The following NRG1 variants were observed in gnomAD, a reference collection of about 807,000 sequenced individuals.
NRG1 encodes neuregulin 1.
In NRG1, 18 loss-of-function variants were observed where a neutral mutation model predicts 63.8. The ratio of observed to expected loss-of-function variants is 0.28; its 90% CI spans 0.19 to 0.42. The LOEUF is 0.42. Ranked by LOEUF, NRG1 falls within the 10% of genes least tolerant of loss-of-function variation. The pLI, the probability that NRG1 is intolerant of heterozygous loss-of-function variation, is 1.00. For missense variants in NRG1, 762 were observed against 814.7 expected, an observed-to-expected ratio of 0.94 and a Z score of 0.79; for synonymous variants, 302 against 301.3, an observed-to-expected ratio of 1.00 and a Z score of -0.02.
chr8:32,316,536 A>C (rs1321772068), intron 1 of NRG1, among the ~76,000 whole-genome samples: 1 of 151,766 alleles, frequency 6.6e-6, no homozygotes, highest in Non-Finnish European at 1.5e-5. Context: ...TGTTCCTTGA[A>C]GTATACTTGT....
intron 5 of NRG1, among the ~76,000 whole-genome samples, chr8:32,641,536 G>C (rs1472614675): frequency 1.4e-4 from 22 of 152,290 alleles, no homozygotes; most frequent in Admixed American, 1.4e-3. Flanking sequence ...CAAACTCACT[G>C]TAACTATCGT....
intron 1 of NRG1, among the ~76,000 whole-genome samples, chr8:32,116,070 G>A (rs117669147): frequency 3.1e-4 from 47 of 152,198 alleles, no homozygotes; most frequent in Non-Finnish European, 6.2e-4. Flanking sequence ...TGATATTAAT[G>A]TATTCCGTTG....
intron 1 of NRG1, among the ~76,000 whole-genome samples, chr8:32,416,712 G>A (rs1262001839): frequency 6.6e-6 from 1 of 152,074 alleles, no homozygotes; most frequent in African/African-American, 2.4e-5. Flanking sequence ...TTTTGAGACA[G>A]GGTCTGGCTG....
intron 1 of NRG1, among the ~76,000 whole-genome samples, chr8:31,739,773 A>G (rs1462046887): frequency 6.6e-6 from 1 of 152,076 alleles, no homozygotes; most frequent in African/African-American, 2.4e-5. Flanking sequence ...GTGTTCTTCA[A>G]TTTGTACTTT....
chr8:32,683,025 G>A (rs550809520), intron 5 of NRG1, among the ~76,000 whole-genome samples: 34 of 152,172 alleles, frequency 2.2e-4, no homozygotes, highest in African/African-American at 7.7e-4. Context: ...GGCAATTTTA[G>A]TTTACCTCTA....
chr8:32,044,913 C>CAAAAAAAAAAAAAAAAA, intron 1 of NRG1, among the ~76,000 whole-genome samples: 48 of 57,122 alleles, frequency 8.4e-4, no homozygotes, highest in Non-Finnish European at 1.2e-3. Context: ...TAAAGAAAAG[C>CAAAAAAAAAAAAAAAAA]AAAAAAAAAA....
intron 1 of NRG1, among the ~76,000 whole-genome samples, chr8:31,951,673 A>G (rs753033170): frequency 6.6e-6 from 1 of 152,234 alleles, no homozygotes; most frequent in Non-Finnish European, 1.5e-5. Flanking sequence ...GATGAGGGAA[A>G]GAAATTCCAA....
intron 1 of NRG1, among the ~76,000 whole-genome samples, chr8:32,477,419 C>T (rs1157605725): frequency 6.6e-6 from 1 of 152,164 alleles, no homozygotes; most frequent in Non-Finnish European, 1.5e-5. Context: ...TCCTCCAAAA[C>T]GTTTTTCTCC....
At chr8:32,064,341 C>T (rs1824391015) in intron 1 of NRG1, among the ~76,000 whole-genome samples, 1 of 152,262 alleles carries the variant, frequency 6.6e-6, no homozygotes, top group South Asian at 2.1e-4. Flanking sequence ...TTAGGGCAGA[C>T]TACTTCCAGT....
At chr8:32,330,049 A>AG (rs1802463075) in intron 1 of NRG1, among the ~76,000 whole-genome samples, 1 of 31,932 alleles carries the variant, frequency 3.1e-5, no homozygotes, top group Non-Finnish European at 6.2e-5. Context: ...ATTAAAAAAA[A>AG]AAAAAAAAAA....
chr8:32,429,828 C>T (rs986165252), intron 1 of NRG1, among the ~76,000 whole-genome samples: 1 of 152,092 alleles, frequency 6.6e-6, no homozygotes, highest in Non-Finnish European at 1.5e-5. Flanking sequence ...TGTCATTGCT[C>T]TTGACCTATA....
chr8:32,343,430 A>G (rs1038119008), intron 1 of NRG1, among the ~76,000 whole-genome samples: 13 of 152,216 alleles, frequency 8.5e-5, no homozygotes, highest in African/African-American at 3.1e-4. Flanking sequence ...ATCTAGACTA[A>G]CAAATGTTTT....
intron 1 of NRG1, among the ~76,000 whole-genome samples, chr8:32,385,114 G>A (rs995744301): frequency 1.3e-5 from 2 of 152,152 alleles, no homozygotes; most frequent in African/African-American, 4.8e-5. Flanking sequence ...CCGCCTCCCA[G>A]GTGCATGCCA....
At chr8:32,505,386 C>A (rs1043910131) in intron 1 of NRG1, among the ~76,000 whole-genome samples, 2 of 152,152 alleles carry the variant, frequency 1.3e-5, no homozygotes, top group African/African-American at 4.8e-5. Flanking sequence ...CTCTAAATAT[C>A]CTTTTAAACA....
intron 1 of NRG1, among the ~76,000 whole-genome samples, chr8:32,178,438 T>C (rs1841042506): frequency 6.6e-6 from 1 of 152,064 alleles, no homozygotes; most frequent in Non-Finnish European, 1.5e-5. Context: ...GGTGAAACCC[T>C]GTCTCTACTA....
At chr8:32,400,616 A>T (rs1385896346) in intron 1 of NRG1, among the ~76,000 whole-genome samples, 1 of 152,234 alleles carries the variant, frequency 6.6e-6, no homozygotes, top group East Asian at 1.9e-4. Flanking sequence ...CGCCAGTCAG[A>T]ATGGTTATTA....
rs913592132 is a variant in NRG1 at position 31,662,308 on chromosome 8, A to G, written c.37+22877A>G. Among the ~76,000 whole-genome samples, 7 of 152,352 alleles carry G rather than the reference A, an allele frequency of 4.6e-5. No individual in the cohort carries two copies. In the South Asian group the frequency reaches 6.2e-4, roughly 14 times the overall value. ...ATTAAGAAAAAAACCATATAGGTTG[A>G]TATTAAGCAGCTAACTGAAAATGAA... On this transcript the variant is annotated intron_variant, in intron 1 of 10. Coordinates refer to the NRG1 transcript ENST00000519301.
chr8:31,839,895 T>A (rs534059118), intron 1 of NRG1, among the ~76,000 whole-genome samples: 1 of 152,082 alleles, frequency 6.6e-6, no homozygotes, highest in Admixed American at 6.6e-5. Flanking sequence ...ATTGTGGCCC[T>A]CTGGAGAGGG....
Position 32,071,440 on chromosome 8 carries a change from A to G in NRG1, c.37+432009A>G, listed in dbSNP as rs1233702276. On this transcript the variant is annotated intron_variant, in intron 1 of 10. Transcript: ENST00000519301. Reference sequence around the variant, plus strand: ...AGTTTTCTTGTCAAAGACTGTTTCTAAAGATTTGCATGAGCTAGTCTGGTC... The same window carrying G: ...AGTTTTCTTGTCAAAGACTGTTTCTGAAGATTTGCATGAGCTAGTCTGGTC... Among the ~76,000 whole-genome samples, 6 of 152,166 alleles carry G rather than the reference A, an allele frequency of 3.9e-5. No individual in the cohort carries two copies. In the East Asian group the frequency reaches 1.2e-3, roughly 29 times the overall value.
Sources: gnomAD v4.1 joint callset for allele counts (sites outside exome capture counted in the v4.1 genomes callset) on GRCh38, gnomAD v4.1.1 for gene constraint, MANE v1.5 for transcripts, NCBI Gene and HGNC (gene_info 2026-07-23, HGNC 2026-07-21) for gene names.